The following GUCY2C variants were observed in gnomAD, a reference collection of about 807,000 sequenced individuals.
GUCY2C encodes guanylate cyclase 2C.
Under a neutral mutation model 131.1 loss-of-function variants are expected in GUCY2C, and 118 were observed. The ratio of observed to expected loss-of-function variants is 0.90; its 90% CI spans 0.78 to 1.05. GUCY2C has a LOEUF of 1.05. Among genes scored for constraint, GUCY2C ranks in the 50% least tolerant of loss-of-function variants. GUCY2C has a pLI of 0.00. For synonymous variants in GUCY2C, 452 were observed against 457.8 expected, an observed-to-expected ratio of 0.99 and a Z score of 0.16; for missense variants, 1,161 against 1,304.4, an observed-to-expected ratio of 0.89 and a Z score of 1.69.
intron 12 of GUCY2C, among the ~76,000 whole-genome samples, chr12:14,653,490 T>A (rs187938881): frequency 2.2e-3 from 330 of 152,374 alleles, no homozygotes; most frequent in Non-Finnish European, 3.9e-3. Flanking sequence ...TAAATCATCT[T>A]ATTTATCAAA....
intron 19 of GUCY2C, among the ~76,000 whole-genome samples, chr12:14,629,926 G>A (rs1272849561): frequency 6.6e-6 from 1 of 152,058 alleles, no homozygotes; most frequent in Non-Finnish European, 1.5e-5. Context: ...CTTAGTATAA[G>A]TATGTCGCAA....
chr12:14,618,045 C>T (rs1010179133), intron 24 of GUCY2C, among the ~76,000 whole-genome samples: 1 of 152,184 alleles, frequency 6.6e-6, no homozygotes, highest in African/African-American at 2.4e-5. Flanking sequence ...AAGCCCCAGC[C>T]ATGTCTCCCA....
chr12:14,627,046 G>A (rs906907564), intron 20 of GUCY2C, among the ~76,000 whole-genome samples: 2 of 152,196 alleles, frequency 1.3e-5, no homozygotes, highest in African/African-American at 4.8e-5. Flanking sequence ...GAGACTTAGT[G>A]AGATGACAGC....
Position 14,633,244 on chromosome 12 carries a change from C to T in GUCY2C, c.2158-4507G>A, listed in dbSNP as rs186963015. Among the ~76,000 whole-genome samples, 4 of 152,314 alleles carry T rather than the reference C, an allele frequency of 2.6e-5. No individual in the cohort carries two copies. In the East Asian group the frequency reaches 7.7e-4, roughly 29 times the overall value. On this transcript the variant is annotated intron_variant, in intron 19 of 26. Transcript: ENST00000261170. ...GCCCACCTGGCATTCCAGTCTTCAA[C>T]AAAACGTCACTACTGCCTCCACTAA...
At chr12:14,651,568 A>G (rs1947660138) in intron 14 of GUCY2C, 57 bp from the exon 15 acceptor site, 2 of 845,826 alleles carry the variant, frequency 2.4e-6, no homozygotes, top group Non-Finnish European at 4.1e-6. Flanking sequence ...GCCAAAGTAA[A>G]AATTAATATG....
At chr12:14,638,492 A>G (rs1236040085) in intron 19 of GUCY2C, among the ~76,000 whole-genome samples, 2 of 152,236 alleles carry the variant, frequency 1.3e-5, no homozygotes, top group African/African-American at 4.8e-5. Context: ...ATGAATGGAA[A>G]AATAAAATGC....
intron 23 of GUCY2C, among the ~76,000 whole-genome samples, chr12:14,619,985 A>T (rs1690533405): frequency 6.6e-6 from 1 of 152,264 alleles, no homozygotes. Flanking sequence ...TAACAGTTTC[A>T]GAAGTTAAAG....
chr12:14,621,025 G>A lies in GUCY2C; in HGVS notation c.2776+17C>T. On this transcript the variant is annotated intron_variant, in intron 23 of 26. Transcript: ENST00000261170. ...GTACATATGGTTCCCAATTTGCTAA[G>A]ATGCTCAACTCCATACCAGAGTGAA... 1 of 1,608,782 alleles carries A rather than the reference G, an allele frequency of 6.2e-7. No individual in the cohort carries two copies. Among genetic ancestry groups the A allele is most frequent in the Non-Finnish European group, 8.5e-7 (1 of 1,175,778 alleles).
At position 14,661,676 on chromosome 12, in the gene GUCY2C, G is replaced by A. The variant is rs574740326; in HGVS notation, c.1283-614C>T. Among the ~76,000 whole-genome samples the A allele has an allele frequency of 5.9e-4, 90 of 152,112 alleles. 2 individuals are homozygous for A. The highest frequency in any genetic ancestry group is 2.1e-3 in the African/African-American group (89 of 41,498). ...ATGAACTCCCGGCCTCAAGCGATCC[G>A]CCAACCTCAGTCTCCCAAAGTGCTG... On this transcript the variant is annotated intron_variant, in intron 10 of 26. Transcript: ENST00000261170.
intron 25 of GUCY2C, among the ~76,000 whole-genome samples, chr12:14,615,811 C>T (rs189642677): frequency 3.3e-5 from 5 of 152,084 alleles, no homozygotes; most frequent in East Asian, 1.9e-4. Context: ...GACACTTTTA[C>T]GTAAAAGGAG....
chr12:14,659,133 C>T (rs1356446297), intron 11 of GUCY2C, among the ~76,000 whole-genome samples: 2 of 151,904 alleles, frequency 1.3e-5, no homozygotes, highest in South Asian at 2.1e-4. Context: ...GCAACCTCCG[C>T]CTCCCGGGTT....
chr12:14,688,306 T>C (rs1374980541), intron 1 of GUCY2C, among the ~76,000 whole-genome samples: 1 of 152,166 alleles, frequency 6.6e-6, no homozygotes, highest in East Asian at 1.9e-4. Flanking sequence ...AATTTATCTA[T>C]CATAAAAATC....
intron 22 of GUCY2C, among the ~76,000 whole-genome samples, chr12:14,621,521 G>C (rs1946896778): frequency 6.6e-6 from 1 of 152,034 alleles, no homozygotes; most frequent in African/African-American, 2.4e-5. Context: ...TAATCTGAAT[G>C]GTTTTATGTA....
chr12:14,664,877 T>C lies in GUCY2C; in HGVS notation c.1283-3815A>G, dbSNP rs184316757. 5.7e-4 allele frequency among the ~76,000 whole-genome samples: 86 copies of C among 151,622 alleles called. 1 individual carries two copies. Among genetic ancestry groups the C allele is most frequent in the South Asian group, 2.7e-3 (13 of 4,812 alleles). Reference sequence around the variant, plus strand: ...TCATTCATTCATTCATTCATTCATTTATTCATTCCAAGGCACTGTGTTGGG... The same window carrying C: ...TCATTCATTCATTCATTCATTCATTCATTCATTCCAAGGCACTGTGTTGGG... On this transcript the variant is annotated intron_variant, in intron 10 of 26. Coordinates refer to ENST00000261170, the MANE Select transcript of GUCY2C (RefSeq NM_004963.4).
intron 15 of GUCY2C, among the ~76,000 whole-genome samples, chr12:14,646,542 T>C (rs909513451): frequency 1.3e-5 from 2 of 152,160 alleles, no homozygotes; most frequent in Non-Finnish European, 2.9e-5. Context: ...ATAAAAGGAA[T>C]ACAAGTTTAC....
At chr12:14,688,631 A>G (rs7979354) in intron 1 of GUCY2C, among the ~76,000 whole-genome samples, 4,620 of 152,308 alleles carry the variant, frequency 0.03, 244 homozygotes, top group African/African-American at 0.1. Context: ...GCTATGTGCC[A>G]GGCGCTCTTC....
chr12:14,678,189 C>T (rs1948279120), intron 6 of GUCY2C, among the ~76,000 whole-genome samples: 1 of 152,062 alleles, frequency 6.6e-6, no homozygotes, highest in Admixed American at 6.5e-5. Context: ...TCACATTAAT[C>T]CTAGAAGTAC....
At chr12:14,668,283 G>A (rs138555590) in intron 10 of GUCY2C, among the ~76,000 whole-genome samples, 2,094 of 152,178 alleles carry the variant, frequency 0.014, 51 homozygotes, top group African/African-American at 0.046. Flanking sequence ...CGATTCTCCT[G>A]CCTCAGCCTC....
chr12:14,613,150 C>A lies in GUCY2C; in HGVS notation c.3189G>T (p.Leu1063=). 6.2e-7 allele frequency: 1 copy of A among 1,613,518 alleles called. No individual in the cohort carries two copies. The highest frequency in any genetic ancestry group is 2.2e-5 in the East Asian group (1 of 44,866). The change falls in exon 27 of 27, where the codon CTG becomes CTT. Residue 1063 remains leucine, a synonymous_variant. Transcript: ENST00000261170. The surrounding 1 kb of genome is among the most constrained non-coding windows in gnomAD (Gnocchi z 4.9). The part of the protein sequence containing the change: ...YKKGTLEYLQ[L]NTTDKESTYF ...AGGTGCTCTCCTTGTCTGTGGTATT[C>A]AGCTGCAAGTATTCCAGAGTGCCTT...
Sources: allele counts gnomAD v4.1 joint callset (sites outside exome capture counted in the v4.1 genomes callset), GRCh38; gene constraint gnomAD v4.1.1; non-coding constraint Gnocchi (gnomAD v3.1); transcripts MANE v1.5; gene names NCBI Gene and HGNC (gene_info 2026-07-23, HGNC 2026-07-21).